The following XKR9 variants were observed in gnomAD, a reference collection of about 807,000 sequenced individuals.
The protein encoded by XKR9 is XK related 9.
XKR9 carries 32 observed loss-of-function variants against 32.0 expected under a neutral mutation model. The ratio of observed to expected loss-of-function variants is 1.00; its 90% CI spans 0.76 to 1.34. XKR9 has a LOEUF of 1.34. Ranked by LOEUF, XKR9 falls within the 40% of genes most tolerant of loss-of-function variation. The pLI is 0.00. For synonymous variants in XKR9, 168 were observed against 143.4 expected (o/e 1.17, Z -1.22); for missense variants, 546 against 429.7 (o/e 1.27, Z -2.39).
chr8:71,024,774 T>C, the XKR9 span, among the ~76,000 whole-genome samples: 1 of 152,182 alleles, frequency 6.6e-6, no homozygotes, highest in Non-Finnish European at 1.5e-5. Flanking sequence ...CCCACTAATC[T>C]TGGCAAGGTC....
chr8:70,812,874 A>T, the XKR9 span, among the ~76,000 whole-genome samples: 1 of 152,240 alleles, frequency 6.6e-6, no homozygotes, highest in Non-Finnish European at 1.5e-5. Flanking sequence ...TGCCCAAGGT[A>T]ATTTATAGAT....
the XKR9 span, among the ~76,000 whole-genome samples, chr8:70,812,674 A>C: frequency 6.6e-6 from 1 of 152,218 alleles, no homozygotes; most frequent in Non-Finnish European, 1.5e-5. Flanking sequence ...CCAAATCATG[A>C]GTGAACTCCC....
the XKR9 span, among the ~76,000 whole-genome samples, chr8:70,976,367 T>C: frequency 6.6e-6 from 1 of 151,904 alleles, no homozygotes; most frequent in Non-Finnish European, 1.5e-5. Context: ...GTGGGTTTGC[T>C]CTTATTATTT....
At position 70,734,369 on chromosome 8, in the gene XKR9, T is replaced by C. The variant is rs759931681; in HGVS notation, c.1067T>C (p.Ile356Thr). ...AGTGCAGAAACAAAATGTGATGAAA[T>C]TGATGGAAAACCAGTTCTAAGAGAA... is the stretch of plus-strand genomic sequence containing the variant. ...NRSAETKCDE[I>T]DGKPVLRECR... is the part of the protein sequence containing the mutation. The change falls in exon 5 of 5, where the codon ATT (isoleucine) becomes ACT (threonine). Residue 356 changes from isoleucine to threonine, a missense_variant. By Grantham distance (89) the Ile-to-Thr change is moderately conservative. Coordinates refer to ENST00000408926, the MANE Select transcript of XKR9 (RefSeq NM_001011720.2). 4.3e-6 allele frequency: 7 copies of C among 1,610,034 alleles called. No homozygotes were observed. In the East Asian group the frequency reaches 6.7e-5, roughly 15 times the overall value.
the XKR9 span, among the ~76,000 whole-genome samples, chr8:70,882,270 T>C: frequency 6.6e-6 from 1 of 151,596 alleles, no homozygotes; most frequent in African/African-American, 2.4e-5. Flanking sequence ...TAATAAAAAA[T>C]AAATAAAATA....
intron 3 of XKR9, among the ~76,000 whole-genome samples, chr8:70,699,556 T>A (rs1274901811): frequency 1.3e-5 from 2 of 152,230 alleles, no homozygotes; most frequent in South Asian, 4.1e-4. Context: ...AGATCTGCTG[T>A]TAGTCTGATG....
chr8:70,846,255 A>T, the XKR9 span, among the ~76,000 whole-genome samples: 14 of 152,124 alleles, frequency 9.2e-5, no homozygotes, highest in Admixed American at 2.6e-4. Flanking sequence ...ACAAGCAGAA[A>T]CTGAGGGAAT....
At chr8:70,816,535 G>T in the XKR9 span, among the ~76,000 whole-genome samples, 1 of 152,172 alleles carries the variant, frequency 6.6e-6, no homozygotes, top group African/African-American at 2.4e-5. Flanking sequence ...TGGTATTACT[G>T]TGAGATACTA....
the XKR9 span, among the ~76,000 whole-genome samples, chr8:70,826,337 T>C: frequency 1.3e-5 from 2 of 152,168 alleles, no homozygotes; most frequent in South Asian, 4.1e-4. Flanking sequence ...TTTCTATTAT[T>C]AGCAAAAACA....
the XKR9 span, among the ~76,000 whole-genome samples, chr8:70,841,896 T>G: frequency 2.0e-5 from 3 of 152,204 alleles, no homozygotes; most frequent in Admixed American, 1.3e-4. Flanking sequence ...CCTCTGTAAT[T>G]AAGTATTTTG....
the XKR9 span, among the ~76,000 whole-genome samples, chr8:71,045,339 G>A: frequency 6.6e-6 from 1 of 152,098 alleles, no homozygotes; most frequent in Non-Finnish European, 1.5e-5. Context: ...TCATCCTCAG[G>A]CAGTTATCCT....
chr8:70,996,422 G>T, the XKR9 span, among the ~76,000 whole-genome samples: 1 of 152,022 alleles, frequency 6.6e-6, no homozygotes, highest in African/African-American at 2.4e-5. Flanking sequence ...GTATGAGTTA[G>T]CTGTTACTCA....
the XKR9 span, among the ~76,000 whole-genome samples, chr8:70,850,587 C>A: frequency 6.6e-6 from 1 of 151,944 alleles, no homozygotes; most frequent in African/African-American, 2.4e-5. Context: ...AGCTTATCCA[C>A]CACAATCAAG....
intron 2 of XKR9, among the ~76,000 whole-genome samples, chr8:70,767,573 T>C (rs1161107330): frequency 6.7e-6 from 1 of 149,074 alleles, no homozygotes; most frequent in Non-Finnish European, 1.5e-5. Flanking sequence ...ATCTTGGTTC[T>C]GCAAGCTCTG....
chr8:70,764,530 A>C (rs1388720874), intron 2 of XKR9, among the ~76,000 whole-genome samples: 2 of 152,184 alleles, frequency 1.3e-5, no homozygotes, highest in Admixed American at 6.6e-5. Context: ...ATGAAAGTCT[A>C]TGATTAAGAT....
chr8:71,028,323 A>G, the XKR9 span, among the ~76,000 whole-genome samples: 1 of 151,972 alleles, frequency 6.6e-6, no homozygotes, highest in Non-Finnish European at 1.5e-5. Flanking sequence ...TTTTGTTGCT[A>G]TTGTAAATGG....
At chr8:70,717,239 G>A (rs1806123292) in intron 4 of XKR9, among the ~76,000 whole-genome samples, 1 of 151,888 alleles carries the variant, frequency 6.6e-6, no homozygotes, top group Non-Finnish European at 1.5e-5. Flanking sequence ...GGAGGATGGT[G>A]GCTGTCTTCT....
At chr8:70,924,719 A>G in the XKR9 span, among the ~76,000 whole-genome samples, 1 of 152,230 alleles carries the variant, frequency 6.6e-6, no homozygotes, top group Non-Finnish European at 1.5e-5. Flanking sequence ...GTGGGAACTC[A>G]TTAAACTCAC....
At chr8:70,830,565 C>T in the XKR9 span, among the ~76,000 whole-genome samples, 7 of 152,116 alleles carry the variant, frequency 4.6e-5, no homozygotes, top group Non-Finnish European at 8.8e-5. Flanking sequence ...CCAGCCTGGG[C>T]GACAGAACGA....
Sources: gnomAD v4.1 joint callset for allele counts (sites outside exome capture counted in the v4.1 genomes callset) on GRCh38, gnomAD v4.1.1 for gene constraint, MANE v1.5 for transcripts, NCBI Gene and HGNC (gene_info 2026-07-23, HGNC 2026-07-21) for gene names.